Variants in UMOD observed in about 807,000 individuals in gnomAD.
UMOD encodes Tamm-Horsfall urinary glycoprotein.
In UMOD, 64 loss-of-function variants were observed where a neutral mutation model predicts 66.0. The ratio of observed to expected loss-of-function variants is 0.97; its 90% CI spans 0.79 to 1.19. UMOD has a LOEUF of 1.19. UMOD is among the 50% of genes most tolerant of loss of function. UMOD has a pLI of 0.00. For missense variants in UMOD, 764 were observed against 850.9 expected (o/e 0.90, Z 1.27); for synonymous variants, 398 against 352.7 (o/e 1.13, Z -1.44).
chr16:20,339,484 T>C (rs1965066276), intron 7 of UMOD, among the ~76,000 whole-genome samples: 1 of 152,250 alleles, frequency 6.6e-6, no homozygotes, highest in South Asian at 2.1e-4. Flanking sequence ...AGAGTTGTAT[T>C]AAGTTTGAGT....
At chr16:20,349,595 C>T (rs1965788024) in intron 2 of UMOD, 6 of 1,345,932 alleles carry the variant, frequency 4.5e-6, no homozygotes, top group Non-Finnish European at 5.9e-6. Flanking sequence ...GGACCACAGG[C>T]ACGTGCAATC....
In UMOD at chr16:20,348,194, A is replaced by G. The variant is rs376121668; in HGVS notation, c.973+29T>C. 7 of 1,605,530 alleles carry G rather than the reference A, an allele frequency of 4.4e-6. No homozygotes were observed. The South Asian group carries it at 6.6e-5, about 15-fold the overall frequency. ...CCCCCAGGCAGTGACAGGTTTCTCA[A>G]CAACCCGCTTCCTCCCCACTGGCCT... On this transcript the variant is annotated intron_variant, in intron 4 of 10. Transcript: ENST00000396138.
In UMOD at chr16:20,348,860, G is replaced by T; in HGVS notation, c.441C>A (p.His147Gln). 1 of 1,548,904 alleles carries T rather than the reference G, an allele frequency of 6.5e-7. No individual in the cohort carries two copies. The highest frequency in any genetic ancestry group is 8.7e-7 in the Non-Finnish European group (1 of 1,147,288). ...CGCAGGAGCCCGGGGAGCACTCACAGTGCCATCCATCCCCCCGGTAGCCCG... is the reference window on the plus strand; with the variant it reads ...CGCAGGAGCCCGGGGAGCACTCACATTGCCATCCATCCCCCCGGTAGCCCG... Reference protein sequence around the residue: ...CPAGYRGDGWHCECSPGSCGP... With the variant: ...CPAGYRGDGWQCECSPGSCGP... Residue 147 changes from histidine (H) to glutamine (Q), a missense_variant, in exon 3 of 11, where the codon CAC (histidine) becomes CAA (glutamine). Physicochemically the swap from His to Gln is conservative, Grantham distance 24. Coordinates refer to ENST00000396138, the MANE Select transcript of UMOD (RefSeq NM_003361.4).
chr16:20,354,002 C>T (rs747374029), upstream of UMOD, among the ~76,000 whole-genome samples: 35 of 151,846 alleles, frequency 2.3e-4, no homozygotes, highest in East Asian at 7.7e-4. Context: ...TGAGAACATG[C>T]GGTGTTTGGT....
chr16:20,352,668 G>C, intron 1 of UMOD, 21 bp downstream of exon 1: 1 of 1,231,600 alleles, frequency 8.1e-7, no homozygotes, highest in Non-Finnish European at 1.0e-6. Context: ...GCTAGGAGAA[G>C]ACAGCTACAG....
In UMOD at chr16:20,335,509, T is replaced by C; in HGVS notation, c.1834A>G (p.Thr612Ala). The stretch of plus-strand genomic sequence containing the variant: ...AAGCTGCTAAAAGCCCTTGAGACTG[T>C]GGCCTGGACACCTTTGGAGGAAAAC... ...GPITRKGVQA[T>A]VSRAFSSLGL... The change falls in exon 10 of 11, where the codon ACA becomes GCA. Residue 612 changes from threonine (T) to alanine (A), a missense_variant. By Grantham distance (58) the Thr-to-Ala change is moderately conservative (BLOSUM62 0). Coordinates refer to ENST00000396138, the MANE Select transcript of UMOD (RefSeq NM_003361.4). The C allele has an allele frequency of 6.2e-7, 1 of 1,614,158 alleles. No individual in the cohort carries two copies. Among genetic ancestry groups the C allele is most frequent in the Non-Finnish European group, 8.5e-7 (1 of 1,179,994 alleles).
In UMOD at chr16:20,350,942, TTA is replaced by T. The variant is rs1192774000; in HGVS notation, c.-102-105_-102-104del. On this transcript the variant is annotated intron_variant, in intron 1 of 10. Transcript: ENST00000396138. Reference sequence around the variant, plus strand: ...AGTATACAACTCCAGGAGGTGTCACTTATATGGACTAAAAAATTGCATAACAC... The same window carrying T: ...AGTATACAACTCCAGGAGGTGTCACTTATGGACTAAAAAATTGCATAACAC... The T allele has an allele frequency of 1.7e-5, 20 of 1,211,132 alleles. No homozygotes were observed. The African/African-American group carries it at 2.8e-4, about 17-fold the overall frequency. 75.0% of individuals were successfully genotyped at this position (1,211,132 alleles called of 1,614,324 possible). A position where few individuals can be genotyped will look rare whatever the true frequency, so the allele number is the denominator to read the frequency against.
At chr16:20,349,900 A>G (rs533477435) in intron 2 of UMOD, 5 of 1,519,110 alleles carry the variant, frequency 3.3e-6, no homozygotes, top group South Asian at 2.6e-5. Context: ...TTAAAAAAAA[A>G]AAGAAGCTGT....
chr16:20,356,133 G>C (rs76619864), upstream of UMOD: 1 of 152,106 alleles, frequency 6.6e-6, no homozygotes, highest in Non-Finnish European at 1.5e-5. Flanking sequence ...GTCAGAAAGC[G>C]GCAAAAAATG....
intron 7 of UMOD, among the ~76,000 whole-genome samples, chr16:20,339,842 C>A (rs932905691): frequency 6.6e-6 from 1 of 152,138 alleles, no homozygotes; most frequent in African/African-American, 2.4e-5. Flanking sequence ...CCACAGAGCC[C>A]GACACACAGC....
chr16:20,348,461 G>T lies in UMOD; in HGVS notation c.840C>A (p.Pro280=), dbSNP rs78691203. The T allele has an allele frequency of 1.9e-6, 3 of 1,613,006 alleles. No homozygotes were observed. In the African/African-American group the frequency reaches 4.0e-5, roughly 22 times the overall value. The change falls in exon 3 of 11, where the codon CCC becomes CCA. Residue 280 remains proline (P), a synonymous_variant. Coordinates refer to ENST00000396138, the MANE Select transcript of UMOD (RefSeq NM_003361.4). ...GYYVYNLTAP[P]ECHLAYCTDP... ...CTGTGCAGTACGCCAGGTGACACTC[G>T]GGGGGCGCTGTCAGGTTGTAGACGT...
Position 20,349,066 on chromosome 16 carries a change from C to T in UMOD, c.235G>A (p.Ala79Thr), listed in dbSNP as rs965326455. The T allele has an allele frequency of 8.7e-6, 14 of 1,609,586 alleles. No individual in the cohort carries two copies. The African/African-American group carries it at 1.7e-4, about 20-fold the overall frequency. Reference protein sequence around the residue: ...CAIPGAHNCSANSSCVNTPGS... With the variant: ...CAIPGAHNCSTNSSCVNTPGS... Reference sequence around the variant, plus strand: ...GGCGTGTTTACGCAGCTGCTGTTGGCGGAGCAGTTGTGAGCTCCAGGAATG... The same window carrying T: ...GGCGTGTTTACGCAGCTGCTGTTGGTGGAGCAGTTGTGAGCTCCAGGAATG... The change falls in exon 3 of 11, where the codon GCC (alanine) becomes ACC (threonine). Residue 79 changes from alanine (A) to threonine (T), a missense_variant. By Grantham distance (58) the Ala-to-Thr change is moderately conservative (BLOSUM62 0). Transcript: ENST00000396138.
At chr16:20,342,118 G>T (rs1445685388) in intron 6 of UMOD, among the ~76,000 whole-genome samples, 1 of 152,216 alleles carries the variant, frequency 6.6e-6, no homozygotes, top group Non-Finnish European at 1.5e-5. Context: ...GCATACGCAG[G>T]AGGATCATTT....
Position 20,341,160 on chromosome 16 carries a change from A to T in UMOD, c.1508T>A (p.Met503Lys). 1 of 1,614,110 alleles carries T rather than the reference A, an allele frequency of 6.2e-7. No homozygotes were observed. Among genetic ancestry groups the T allele is most frequent in the Non-Finnish European group, 8.5e-7 (1 of 1,180,032 alleles). The change falls in exon 7 of 11, where the codon ATG becomes AAG. Residue 503 changes from methionine (M) to lysine (K), a missense_variant. Met to Lys is a moderately conservative substitution (Grantham distance 95). Coordinates refer to ENST00000396138, the MANE Select transcript of UMOD (RefSeq NM_003361.4). Reference sequence around the variant, plus strand: ...ACTGGGTGTGGCATAGCAGTTGGTCATGAGCAGTGCAAATCGGGACAGGTC... The same window carrying T: ...ACTGGGTGTGGCATAGCAGTTGGTCTTGAGCAGTGCAAATCGGGACAGGTC... ...GGDLSRFALL[M>K]TNCYATPSSN...
rs1410188966 is a variant in UMOD, at chr16:20,344,171, C to T, written c.1184G>A (p.Arg395Lys). The change falls in exon 6 of 11, where the codon AGG (arginine) becomes AAG (lysine). Residue 395 changes from arginine to lysine, a missense_variant and splice_region_variant. Physicochemically the swap from Arg to Lys is conservative, Grantham distance 26 (BLOSUM62 2). Transcript: ENST00000396138. ...RDGPCGTVLT[R>K]NETHATYSNT... ...GCTGTAAGTGGCATGGGTTTCATTC[C>T]TCTGTTGCAGGGAATGGGGGTGGAG... The T allele has an allele frequency of 2.0e-6, 3 of 1,536,254 alleles. No individual in the cohort carries two copies. Among genetic ancestry groups the T allele is most frequent in the Non-Finnish European group, 2.7e-6 (3 of 1,115,188 alleles).
upstream of UMOD, among the ~76,000 whole-genome samples, chr16:20,353,429 A>G (rs1965974077): frequency 6.6e-6 from 1 of 152,138 alleles, no homozygotes; most frequent in African/African-American, 2.4e-5. Context: ...TCATTTCTTA[A>G]CCTTCCTGAG....
In UMOD at chr16:20,348,955, C is replaced by G. The variant is rs139042757; in HGVS notation, c.346G>C (p.Gly116Arg). 7.6e-6 allele frequency: 12 copies of G among 1,573,804 alleles called. No individual in the cohort carries two copies. The highest frequency in any genetic ancestry group is 8.6e-6 in the Non-Finnish European group (10 of 1,159,774). Residue 116 changes from glycine to arginine, a missense_variant, in exon 3 of 11, where the codon GGG (glycine) becomes CGG (arginine). Transcript: ENST00000396138. Reference sequence around the variant, plus strand: ...GCCAGGGCGTGGCAGTGGCTAAGCCCAGGCTCAGCGCACTCATCCACGTCT... The same window carrying G: ...GCCAGGGCGTGGCAGTGGCTAAGCCGAGGCTCAGCGCACTCATCCACGTCT... ...CTDVDECAEP[G>R]LSHCHALATC...
chr16:20,350,643 CACTT>C lies in UMOD; in HGVS notation c.88+3_88+6del. 1 of 1,614,122 alleles carries C rather than the reference CACTT, an allele frequency of 6.2e-7. No homozygotes were observed. The highest frequency in any genetic ancestry group is 1.6e-4 in the Middle Eastern group (1 of 6,062). On this transcript the variant is annotated splice_donor_5th_base_variant and intron_variant, in intron 2 of 10. Coordinates refer to ENST00000396138, the MANE Select transcript of UMOD (RefSeq NM_003361.4). ...ACATATACAACGCACACACACTTTT[CACTT>C]ACTTGCTTCTGAGGTGTCAGTGGCT...
At position 20,346,131 on chromosome 16, in the gene UMOD, A is replaced by G. The variant is rs748849021; in HGVS notation, c.1177T>C (p.Leu393=). 1.7e-5 allele frequency: 27 copies of G among 1,613,810 alleles called. No homozygotes were observed. The East Asian group carries it at 6.0e-4, about 36-fold the overall frequency. ...PARDGPCGTV[L]TRNETHATYS... Reference sequence around the variant, plus strand: ...CCCCACTGGCCAGGACGTACCGTCAACACTGTCCCACAGGGGCCATCCCGG... The same window carrying G: ...CCCCACTGGCCAGGACGTACCGTCAGCACTGTCCCACAGGGGCCATCCCGG... The change falls in exon 5 of 11, where the codon TTG becomes CTG. Residue 393 remains leucine, a synonymous_variant. Transcript: ENST00000396138.
Sources: allele counts gnomAD v4.1 joint callset (sites outside exome capture counted in the v4.1 genomes callset), GRCh38; gene constraint gnomAD v4.1.1; transcripts MANE v1.5; gene names NCBI Gene and HGNC (gene_info 2026-07-23, HGNC 2026-07-21).